PPP4R4: variants seen among roughly 807,000 people sequenced by gnomAD.
PPP4R4 encodes protein phosphatase 4 regulatory subunit 4.
PPP4R4 carries 70 observed loss-of-function variants against 121.8 expected under a neutral mutation model. That is an observed-to-expected ratio of 0.57 (90% CI 0.47 to 0.70). The LOEUF is 0.70. Ranked by LOEUF, PPP4R4 falls within the 30% of genes least tolerant of loss-of-function variation. PPP4R4 has a pLI of 0.00. For synonymous variants in PPP4R4, 348 were observed against 355.7 expected, an observed-to-expected ratio of 0.98 and a Z score of 0.24; for missense variants, 875 against 1,033.6, an observed-to-expected ratio of 0.85 and a Z score of 2.10.
At chr14:94,225,783 G>A (rs1891665331) in intron 3 of PPP4R4, among the ~76,000 whole-genome samples, 1 of 152,118 alleles carries the variant, frequency 6.6e-6, no homozygotes. Context: ...ATTATCTTCA[G>A]AATTAGATTT....
At chr14:94,193,088 C>G (rs1889687749) in intron 2 of PPP4R4, among the ~76,000 whole-genome samples, 1 of 152,084 alleles carries the variant, frequency 6.6e-6, no homozygotes, top group South Asian at 2.1e-4. Context: ...TTTCTGGTTC[C>G]TTTCTTGATT....
chr14:94,231,399 TAAA>T, intron 5 of PPP4R4, 84 bp downstream of exon 5: 1 of 1,203,216 alleles, frequency 8.3e-7, no homozygotes, highest in East Asian at 2.4e-5. Context: ...AAATGGTTTT[TAAA>T]AAAGAAAGTT....
intron 2 of PPP4R4, among the ~76,000 whole-genome samples, chr14:94,196,111 T>A (rs564125324): frequency 6.6e-6 from 1 of 151,606 alleles, no homozygotes; most frequent in South Asian, 2.1e-4. Context: ...ATCTCAGTAT[T>A]GGTTATATTG....
chr14:94,244,781 C>A (rs1892805274), intron 12 of PPP4R4, 69 bp downstream of exon 12: 6 of 1,371,022 alleles, frequency 4.4e-6, no homozygotes. Flanking sequence ...TGCCTTTTCT[C>A]CCCTTCTTCT....
chr14:94,242,948 T>C (rs575719169), intron 11 of PPP4R4, among the ~76,000 whole-genome samples: 1 of 152,304 alleles, frequency 6.6e-6, no homozygotes, highest in African/African-American at 2.4e-5. Flanking sequence ...GTTTCTTGAA[T>C]GACAGCAAGA....
At chr14:94,251,990 A>G in intron 16 of PPP4R4, 94 bp downstream of exon 16, 1 of 1,137,774 alleles carries the variant, frequency 8.8e-7, no homozygotes, top group Non-Finnish European at 1.2e-6. Flanking sequence ...CCAATTAAAA[A>G]CTTAAGTCAA....
chr14:94,178,350 T>C (rs936394387), intron 2 of PPP4R4, among the ~76,000 whole-genome samples: 7 of 150,846 alleles, frequency 4.6e-5, no homozygotes, highest in African/African-American at 1.7e-4. Flanking sequence ...ATATATAACA[T>C]GTTATATATA....
intron 3 of PPP4R4, among the ~76,000 whole-genome samples, chr14:94,208,767 A>G (rs1377877150): frequency 6.6e-6 from 1 of 152,074 alleles, no homozygotes; most frequent in Non-Finnish European, 1.5e-5. Flanking sequence ...CCAGATCTTA[A>G]GTTGTAAAAT....
rs542217243 is a variant in PPP4R4 at position 94,200,259 on chromosome 14, T to C, written c.192-8205T>C. ...TAGCCATTTTGTAGATTATTTAGGA[T>C]ATTCACCATAGACAACTATGTTGTT... On this transcript the variant is annotated intron_variant, in intron 2 of 24. Coordinates refer to ENST00000304338, the MANE Select transcript of PPP4R4 (RefSeq NM_058237.2). Among the ~76,000 whole-genome samples, 6 of 152,348 alleles carry C rather than the reference T, an allele frequency of 3.9e-5. No homozygotes were observed. In the East Asian group the frequency reaches 7.7e-4, roughly 20 times the overall value.
chr14:94,185,331 C>A (rs1375265114), intron 2 of PPP4R4, among the ~76,000 whole-genome samples: 1 of 152,134 alleles, frequency 6.6e-6, no homozygotes, highest in Non-Finnish European at 1.5e-5. Context: ...TATAGCGAGA[C>A]CCTGTCTCTA....
At chr14:94,272,168 G>A (rs1254209247) in intron 23 of PPP4R4, among the ~76,000 whole-genome samples, 6 of 152,172 alleles carry the variant, frequency 3.9e-5, no homozygotes, top group Non-Finnish European at 1.5e-5. Context: ...CTGTTGCGAA[G>A]TTTACCTAGA....
intron 3 of PPP4R4, among the ~76,000 whole-genome samples, chr14:94,211,985 G>C (rs1471348794): frequency 6.6e-6 from 1 of 152,146 alleles, no homozygotes; most frequent in Non-Finnish European, 1.5e-5. Flanking sequence ...TTTTGTGAAT[G>C]ATTTACTTTT....
chr14:94,238,217 C>A (rs180913628), intron 8 of PPP4R4, among the ~76,000 whole-genome samples: 1 of 152,236 alleles, frequency 6.6e-6, no homozygotes, highest in African/African-American at 2.4e-5. Flanking sequence ...TGGACCCATG[C>A]GGCCCCACCT....
Position 94,174,527 on chromosome 14 carries a change from T to C in PPP4R4, c.62T>C (p.Met21Thr), listed in dbSNP as rs1888550631. The C allele has an allele frequency of 1.2e-6, 2 of 1,612,510 alleles. No individual in the cohort carries two copies. Among genetic ancestry groups the C allele is most frequent in the Non-Finnish European group, 1.7e-6 (2 of 1,179,250 alleles). The change falls in exon 1 of 25, where the codon ATG becomes ACG. Residue 21 changes from methionine (M) to threonine (T), a missense_variant. By Grantham distance (81) the Met-to-Thr change is moderately conservative. Coordinates refer to ENST00000304338, the MANE Select transcript of PPP4R4 (RefSeq NM_058237.2). ...DFSQNSLFGY[M>T]EDLQELTIIE... ...AGTCAGAACAGCCTGTTCGGTTACA[T>C]GGAGGACCTGCAGGAGCTCACCATC...
intron 3 of PPP4R4, among the ~76,000 whole-genome samples, chr14:94,213,629 T>C (rs1325578999): frequency 6.6e-6 from 1 of 151,906 alleles, no homozygotes; most frequent in East Asian, 1.9e-4. Context: ...CAGACGAGAG[T>C]TGACGTATAC....
intron 3 of PPP4R4, among the ~76,000 whole-genome samples, chr14:94,221,784 T>C (rs1891411729): frequency 6.6e-6 from 1 of 152,128 alleles, no homozygotes; most frequent in African/African-American, 2.4e-5. Flanking sequence ...ACAACAACTT[T>C]AGAAAACAGG....
At chr14:94,257,087 CAGG>C (rs576124812) in intron 17 of PPP4R4, among the ~76,000 whole-genome samples, 9 of 152,040 alleles carry the variant, frequency 5.9e-5, no homozygotes, top group Non-Finnish European at 1.2e-4. Context: ...GTAGCAGAAT[CAGG>C]AGGACTAGAA....
At chr14:94,221,337 AG>A (rs1243989186) in intron 3 of PPP4R4, among the ~76,000 whole-genome samples, 2 of 152,186 alleles carry the variant, frequency 1.3e-5, no homozygotes, top group African/African-American at 4.8e-5. Context: ...TGACTCTAGA[AG>A]CATGATCCTT....
intron 23 of PPP4R4, among the ~76,000 whole-genome samples, chr14:94,275,072 A>G (rs1365901613): frequency 6.6e-6 from 1 of 152,180 alleles, no homozygotes; most frequent in African/African-American, 2.4e-5. Context: ...AAAATTCTAG[A>G]CAATACAAAC....
Sources: gnomAD v4.1 joint callset for allele counts (sites outside exome capture counted in the v4.1 genomes callset) on GRCh38, gnomAD v4.1.1 for gene constraint, MANE v1.5 for transcripts, NCBI Gene and HGNC (gene_info 2026-07-23, HGNC 2026-07-21) for gene names.